The following C5orf24 variants were observed in gnomAD, a reference collection of about 807,000 sequenced individuals.
C5orf24 encodes chromosome 5 open reading frame 24.
A neutral mutation model predicts 9.8 loss-of-function variants in C5orf24; 4 were observed. That is an observed-to-expected ratio of 0.41 (90% confidence interval 0.20 to 0.93). The LOEUF is 0.93. Among genes scored for constraint, C5orf24 ranks in the 40% least tolerant of loss-of-function variants. C5orf24 has a pLI of 0.33. For missense variants in C5orf24, 170 were observed against 236.9 expected, an observed-to-expected ratio of 0.72 and a Z score of 1.85; for synonymous variants, 73 against 81.3, an observed-to-expected ratio of 0.90 and a Z score of 0.55.
At chr5:134,836,663 C>T in the C5orf24 span, among the ~76,000 whole-genome samples, 2 of 151,892 alleles carry the variant, frequency 1.3e-5, no homozygotes, top group Admixed American at 1.3e-4. Flanking sequence ...CCTGCCTCAT[C>T]CTCCTGAGTA....
chr5:134,845,404 A>G (rs73790715), upstream of C5orf24, among the ~76,000 whole-genome samples: 1,411 of 152,296 alleles, frequency 9.3e-3, 19 homozygotes, highest in African/African-American at 0.033. Flanking sequence ...TCACAGGAGG[A>G]AGGAGTGAGG....
At chr5:134,845,886 G>A (rs973112133), upstream of C5orf24, 2 of 152,370 alleles carry the variant, frequency 1.3e-5, no homozygotes, top group African/African-American at 4.8e-5. Context: ...CTTGCGTGCA[G>A]GTTGGCGGCG....
At chr5:134,842,912 T>C (rs548128715), upstream of C5orf24, among the ~76,000 whole-genome samples, 55 of 152,258 alleles carry the variant, frequency 3.6e-4, no homozygotes, top group South Asian at 8.3e-4. Flanking sequence ...AAATCCAAAC[T>C]CGAAACTCAA....
rs371433307 is a variant in C5orf24 at position 134,855,514 on chromosome 5, A to G, written c.*47A>G. 1.1e-5 allele frequency: 18 copies of G among 1,595,866 alleles called. No homozygotes were observed. The highest frequency in any genetic ancestry group is 1.4e-5 in the Non-Finnish European group (16 of 1,175,684). On this transcript the variant is annotated 3_prime_UTR_variant, in exon 2 of 2. Coordinates refer to ENST00000394976, the MANE Select transcript of C5orf24 (RefSeq NM_001135586.1). ...AGGTTTAGAAGGAAGATTGTGAATAATCCCAAAGCTTCTTGGTTTTATTTT... is the reference window on the plus strand; with the variant it reads ...AGGTTTAGAAGGAAGATTGTGAATAGTCCCAAAGCTTCTTGGTTTTATTTT...
upstream of C5orf24, among the ~76,000 whole-genome samples, chr5:134,845,440 G>A (rs754489278): frequency 7.2e-5 from 11 of 152,322 alleles, no homozygotes; most frequent in South Asian, 2.3e-3. Context: ...AAGTGGGTTT[G>A]TGTGAGGTGA....
Position 134,856,405 on chromosome 5 carries a change from C to A in C5orf24, c.*938C>A. ...GGCTCACACCCAGCACTTTGGGAGG[C>A]CGAGGCAGGCGGATCACTTGAGGTC... On this transcript the variant is annotated 3_prime_UTR_variant, in exon 2 of 2. Transcript: ENST00000394976. 1 of 755,846 alleles carries A rather than the reference C, an allele frequency of 1.3e-6. No individual in the cohort carries two copies. The highest frequency in any genetic ancestry group is 1.6e-6 in the Non-Finnish European group (1 of 607,724). The allele number at this position is 755,846 out of a possible 1,614,324, so 46.8% of individuals were successfully genotyped here.
chr5:134,853,809 G>T (rs572422056), intron 1 of C5orf24, among the ~76,000 whole-genome samples: 1 of 152,266 alleles, frequency 6.6e-6, no homozygotes, highest in African/African-American at 2.4e-5. Flanking sequence ...TTGGCTGGGT[G>T]CGGTGGCTCA....
rs1479241933 is a variant in C5orf24 at position 134,859,593 on chromosome 5, T to C, written c.*4126T>C. On this transcript the variant is annotated 3_prime_UTR_variant, in exon 2 of 2. Coordinates refer to ENST00000394976, the MANE Select transcript of C5orf24 (RefSeq NM_001135586.1). ...TGTCCTCTGCTGTAAAAAGTCTGAA[T>C]AGATACTGTGTATGTTTTTATGTCC... The C allele has an allele frequency of 1.2e-5, 2 of 167,072 alleles. No individual in the cohort carries two copies. Among genetic ancestry groups the C allele is most frequent in the Admixed American group, 6.5e-5 (1 of 15,276 alleles). 10.3% of individuals were successfully genotyped at this position (167,072 alleles called of 1,614,324 possible).
intron 1 of C5orf24, among the ~76,000 whole-genome samples, chr5:134,854,691 G>T (rs1356066793): frequency 6.6e-6 from 1 of 152,144 alleles, no homozygotes; most frequent in Non-Finnish European, 1.5e-5. Flanking sequence ...CTTGTATGAT[G>T]TTTGTCCCAT....
chr5:134,851,073 T>TC (rs1052973762), intron 1 of C5orf24, among the ~76,000 whole-genome samples: 10 of 151,394 alleles, frequency 6.6e-5, no homozygotes, highest in Non-Finnish European at 1.3e-4. Context: ...CTTTTTTTTT[T>TC]CCCCCACAAA....
intron 1 of C5orf24, among the ~76,000 whole-genome samples, chr5:134,854,536 T>C (rs936482451): frequency 1.1e-4 from 17 of 152,270 alleles, no homozygotes; most frequent in African/African-American, 4.1e-4. Flanking sequence ...ATAAGAGTTC[T>C]TGGCTTTACT....
At chr5:134,839,216 C>A in the C5orf24 span, among the ~76,000 whole-genome samples, 1 of 148,340 alleles carries the variant, frequency 6.7e-6, no homozygotes, top group Admixed American at 6.8e-5. Context: ...AAAAAAAAAA[C>A]CCAATCTGAG....
Position 134,859,004 on chromosome 5 carries a change from TTTGAG to T in C5orf24, c.*3543_*3547del, listed in dbSNP as rs1453456936. The T allele has an allele frequency of 6.0e-6, 1 of 166,970 alleles. No individual in the cohort carries two copies. Among genetic ancestry groups the T allele is most frequent in the Non-Finnish European group, 1.5e-5 (1 of 68,050 alleles). 10.3% of individuals were successfully genotyped at this position (166,970 alleles called of 1,614,324 possible). On this transcript the variant is annotated 3_prime_UTR_variant, in exon 2 of 2. Transcript: ENST00000394976. ...TTTCATGAACTAAGAATAGAGTTTC[TTTGAG>T]TTGAGGAGAAAAAAATATATATGTG...
rs138898204 is a variant in C5orf24 at position 134,855,107 on chromosome 5, C to T, written c.207C>T (p.Gly69=). 173 of 1,613,936 alleles carry T rather than the reference C, an allele frequency of 1.1e-4. No homozygotes were observed. The highest frequency in any genetic ancestry group is 1.4e-4 in the Non-Finnish European group (171 of 1,180,028). The change falls in exon 2 of 2, where the codon GGC becomes GGT. Residue 69 remains glycine, a synonymous_variant. Transcript: ENST00000394976. Reference sequence around the variant, plus strand: ...AAACACACTTGCAGACTACAAGTGGCAGAAGCATAGAAATAAAAGATGAAC... The same window carrying T: ...AAACACACTTGCAGACTACAAGTGGTAGAAGCATAGAAATAAAAGATGAAC... The part of the protein sequence containing the change: ...LNETHLQTTS[G]RSIEIKDELK...
intron 1 of C5orf24, among the ~76,000 whole-genome samples, chr5:134,850,920 A>T (rs1326645317): frequency 8.1e-6 from 1 of 123,042 alleles, no homozygotes; most frequent in African/African-American, 3.7e-5. Context: ...ATGAATGTTC[A>T]TATATATATA....
At chr5:134,833,956 A>G in the C5orf24 span, among the ~76,000 whole-genome samples, 34 of 151,352 alleles carry the variant, frequency 2.2e-4, no homozygotes, top group African/African-American at 7.3e-4. Flanking sequence ...TAAAGAAGAA[A>G]TTCTAACTTT....
rs1756335418 is a variant in C5orf24 at position 134,857,129 on chromosome 5, A to G, written c.*1662A>G. 2 of 1,275,612 alleles carry G rather than the reference A, an allele frequency of 1.6e-6. No individual in the cohort carries two copies. The highest frequency in any genetic ancestry group is 2.0e-6 in the Non-Finnish European group (2 of 997,442). 79.0% of individuals were successfully genotyped at this position (1,275,612 alleles called of 1,614,324 possible). ...ATTTTATTTATTGAGTTTGTTCTAA[A>G]TAAAATATTATAAACTTCAGACTTG... On this transcript the variant is annotated 3_prime_UTR_variant, in exon 2 of 2. Transcript: ENST00000394976.
At chr5:134,854,819 T>G (rs1756263646) in intron 1 of C5orf24, 79 bp from the exon 2 acceptor site, 2 of 1,482,624 alleles carry the variant, frequency 1.3e-6, no homozygotes, top group African/African-American at 1.4e-5. Flanking sequence ...GAAGACAGAC[T>G]GTTTTCTCAC....
At position 134,859,391 on chromosome 5, in the gene C5orf24, A is replaced by C. The variant is rs1756390891; in HGVS notation, c.*3924A>C. The C allele has an allele frequency of 1.2e-5, 2 of 167,096 alleles. No homozygotes were observed. Among genetic ancestry groups the C allele is most frequent in the South Asian group, 4.1e-4 (2 of 4,826 alleles). The allele number at this position is 167,096 out of a possible 1,614,324, so 10.4% of individuals were successfully genotyped here. A position where few individuals can be genotyped will look rare whatever the true frequency, so the allele number is the denominator to read the frequency against. Reference sequence around the variant, plus strand: ...TTTTCCCCCCTCCTCCAAATATATAAATCTGTGCTCTCACATGTAATGTAT... The same window carrying C: ...TTTTCCCCCCTCCTCCAAATATATACATCTGTGCTCTCACATGTAATGTAT... On this transcript the variant is annotated 3_prime_UTR_variant, in exon 2 of 2. Transcript: ENST00000394976.
Sources: allele counts gnomAD v4.1 joint callset (sites outside exome capture counted in the v4.1 genomes callset), GRCh38; gene constraint gnomAD v4.1.1; transcripts MANE v1.5; gene names NCBI Gene and HGNC (gene_info 2026-07-23, HGNC 2026-07-21).